Variants in ZFAT observed in about 807,000 individuals in gnomAD.
ZFAT encodes the protein zinc finger and AT-hook domain containing.
A neutral mutation model predicts 117.7 loss-of-function variants in ZFAT; 64 were observed. That is an observed-to-expected ratio of 0.54 (90% CI 0.44 to 0.67). ZFAT has a LOEUF of 0.67. ZFAT is among the 30% of genes least tolerant of loss of function. ZFAT has a pLI of 0.00. For missense variants in ZFAT, 1,433 were observed against 1,584.5 expected (o/e 0.90, Z 1.62); for synonymous variants, 679 against 615.0 (o/e 1.10, Z -1.54).
At chr8:134,656,982 T>C (rs1831645299) in intron 2 of ZFAT, among the ~76,000 whole-genome samples, 1 of 152,260 alleles carries the variant, frequency 6.6e-6, no homozygotes, top group Non-Finnish European at 1.5e-5. Flanking sequence ...CAAAGGATTC[T>C]GTGCAAATCA....
chr8:134,709,849 C>T (rs2131370673), intron 1 of ZFAT, among the ~76,000 whole-genome samples: 1 of 152,262 alleles, frequency 6.6e-6, no homozygotes, highest in East Asian at 1.9e-4. Flanking sequence ...GGGAGCACTG[C>T]GGTAAGACGG....
chr8:134,502,885 C>G (rs1044991905), intron 15 of ZFAT, among the ~76,000 whole-genome samples: 1 of 152,178 alleles, frequency 6.6e-6, no homozygotes, highest in Non-Finnish European at 1.5e-5. Flanking sequence ...CACTGAGGCC[C>G]CAGCACACAG....
intron 11 of ZFAT, 174 bp downstream of exon 11, chr8:134,565,159 C>T (rs994979407): frequency 1.3e-5 from 20 of 1,530,966 alleles, no homozygotes; most frequent in Non-Finnish European, 1.5e-5. Context: ...GCTTCTGGAA[C>T]GAGAGAGCAC....
At chr8:134,509,871 G>A (rs533015395) in intron 14 of ZFAT, 122 bp from the exon 15 acceptor site, 19 of 1,252,310 alleles carry the variant, frequency 1.5e-5, no homozygotes, top group South Asian at 7.2e-5. Context: ...TGGGCTCTCC[G>A]TAATCGCTCA....
chr8:134,621,892 T>C (rs748760920), intron 3 of ZFAT, among the ~76,000 whole-genome samples: 3 of 152,200 alleles, frequency 2.0e-5, no homozygotes, highest in Non-Finnish European at 4.4e-5. Flanking sequence ...GAACGCATGA[T>C]GAAAAACACA....
the ZFAT span, among the ~76,000 whole-genome samples, chr8:134,734,638 C>G: frequency 4.6e-5 from 7 of 152,264 alleles, no homozygotes; most frequent in African/African-American, 1.4e-4. Context: ...TAAACTACCA[C>G]CCCCAGAATT....
chr8:134,705,888 G>A (rs1423779321), intron 1 of ZFAT, among the ~76,000 whole-genome samples: 1 of 152,052 alleles, frequency 6.6e-6, no homozygotes, highest in Non-Finnish European at 1.5e-5. Flanking sequence ...CTCTAAAGAT[G>A]ACACAAATGG....
chr8:134,824,638 A>C, the ZFAT span, among the ~76,000 whole-genome samples: 1 of 152,228 alleles, frequency 6.6e-6, no homozygotes, highest in Non-Finnish European at 1.5e-5. Context: ...GCCTCTCCTG[A>C]CATGATTCTA....
In ZFAT at chr8:134,656,465, T is replaced by C. The variant is rs1831610952; in HGVS notation, c.196+1096A>G. Among the ~76,000 whole-genome samples, 3 of 152,184 alleles carry C rather than the reference T, an allele frequency of 2.0e-5. No individual in the cohort carries two copies. The South Asian group carries it at 6.2e-4, about 32-fold the overall frequency. ...AGCTTCGGGTGCTGCATCTTTTTCA[T>C]TTTTCACTTTATGCCACTAACAGTA... On this transcript the variant is annotated intron_variant, in intron 2 of 15. Transcript: ENST00000377838.
At chr8:134,627,777 T>G (rs927575281) in intron 3 of ZFAT, among the ~76,000 whole-genome samples, 1 of 152,254 alleles carries the variant, frequency 6.6e-6, no homozygotes, top group Non-Finnish European at 1.5e-5. Context: ...TTCTGAATGC[T>G]ACAGACAGAG....
the ZFAT span, among the ~76,000 whole-genome samples, chr8:134,815,654 A>G: frequency 1.3e-5 from 2 of 152,044 alleles, no homozygotes; most frequent in African/African-American, 4.8e-5. Context: ...GCTTCATTCA[A>G]TTCTCTCAAT....
intron 5 of ZFAT, among the ~76,000 whole-genome samples, chr8:134,607,932 C>A (rs141189626): frequency 1.8e-4 from 27 of 152,314 alleles, no homozygotes; most frequent in African/African-American, 6.3e-4. Flanking sequence ...GCACTAGGCA[C>A]TCATATCCTT....
At chr8:134,506,737 G>T (rs1461559344) in intron 15 of ZFAT, among the ~76,000 whole-genome samples, 5 of 152,156 alleles carry the variant, frequency 3.3e-5, no homozygotes, top group Admixed American at 2.6e-4. Flanking sequence ...TTGTTTATGA[G>T]AAATAAATTT....
intron 12 of ZFAT, among the ~76,000 whole-genome samples, chr8:134,527,496 GA>G (rs1821109783): frequency 6.6e-6 from 1 of 152,228 alleles, no homozygotes; most frequent in South Asian, 2.1e-4. Flanking sequence ...ATATGGAATA[GA>G]ATTTTGCTGA....
At chr8:134,572,536 A>G (rs974249924) in intron 10 of ZFAT, among the ~76,000 whole-genome samples, 4 of 152,206 alleles carry the variant, frequency 2.6e-5, no homozygotes, top group African/African-American at 7.2e-5. Flanking sequence ...CTGGCTACGC[A>G]CTGACTTACG....
At chr8:134,706,858 T>C (rs1399773170) in intron 1 of ZFAT, among the ~76,000 whole-genome samples, 1 of 150,836 alleles carries the variant, frequency 6.6e-6, no homozygotes, top group Non-Finnish European at 1.5e-5. Context: ...TCTATGCATT[T>C]CAGCATGTAT....
chr8:134,498,125 A>G (rs77758051), intron 15 of ZFAT, among the ~76,000 whole-genome samples: 1 of 44,790 alleles, frequency 2.2e-5, no homozygotes. Flanking sequence ...TTACACACAG[A>G]GCCTGATTTG....
chr8:134,797,885 T>C, the ZFAT span: 1 of 151,912 alleles, frequency 6.6e-6, no homozygotes, highest in Non-Finnish European at 1.5e-5. Context: ...AGAATATTTC[T>C]AGATTTAAAA....
chr8:134,669,417 C>G (rs552807002), intron 1 of ZFAT, among the ~76,000 whole-genome samples: 41 of 152,278 alleles, frequency 2.7e-4, no homozygotes, highest in African/African-American at 9.9e-4. Flanking sequence ...GCGGAAACTC[C>G]ACAAGCCAGA....
Sources: allele counts gnomAD v4.1 joint callset (sites outside exome capture counted in the v4.1 genomes callset), GRCh38; gene constraint gnomAD v4.1.1; transcripts MANE v1.5; gene names NCBI Gene and HGNC (gene_info 2026-07-23, HGNC 2026-07-21).